Variants in RSU1 observed in about 807,000 individuals in gnomAD.
The protein encoded by RSU1 is rsu-1.
Under a neutral mutation model 31.1 loss-of-function variants are expected in RSU1, and 26 were observed. The ratio of observed to expected loss-of-function variants is 0.84; its 90% confidence interval spans 0.61 to 1.16. The LOEUF (loss-of-function observed/expected upper bound fraction) is 1.16, where lower values mean the gene tolerates loss of function less well. RSU1 is among the 50% of genes most tolerant of loss of function. RSU1 has a pLI of 0.00. For missense variants in RSU1, 320 were observed against 339.1 expected, an observed-to-expected ratio of 0.94 and a Z score of 0.44; for synonymous variants, 164 against 136.3, an observed-to-expected ratio of 1.20 and a Z score of -1.41.
At chr10:16,653,284 A>G (rs1834718958) in intron 8 of RSU1, among the ~76,000 whole-genome samples, 1 of 152,366 alleles carries the variant, frequency 6.6e-6, no homozygotes, top group Admixed American at 6.5e-5. Context: ...TGAAATATAC[A>G]GAACAGTTCA....
intron 8 of RSU1, among the ~76,000 whole-genome samples, chr10:16,661,573 A>T (rs1170882217): frequency 2.0e-5 from 3 of 152,174 alleles, no homozygotes; most frequent in Non-Finnish European, 4.4e-5. Flanking sequence ...AGGAGAGAAG[A>T]TGACTATGAT....
At position 16,737,845 on chromosome 10, in the gene RSU1, T is replaced by G. The variant is rs192234227; in HGVS notation, c.598+14694A>C. Among the ~76,000 whole-genome samples, 140 of 151,926 alleles carry G rather than the reference T, an allele frequency of 9.2e-4. 1 individual carries two copies. The East Asian group carries it at 0.018, about 19-fold the overall frequency. On this transcript the variant is annotated intron_variant, in intron 7 of 8. Transcript: ENST00000345264. ...GAACACTGATGGGGCACATAAAACTTTTAAGTGTGCATGTAAAATTCACCA... is the reference window on the plus strand; with the variant it reads ...GAACACTGATGGGGCACATAAAACTGTTAAGTGTGCATGTAAAATTCACCA...
At chr10:16,764,343 C>T in intron 4 of RSU1, 47 bp downstream of exon 4, 1 of 1,550,290 alleles carries the variant, frequency 6.5e-7, no homozygotes, top group Non-Finnish European at 8.7e-7. Context: ...CCGGCATGCC[C>T]CTTCCACTCT....
At chr10:16,730,975 C>T (rs935742557) in intron 7 of RSU1, among the ~76,000 whole-genome samples, 1 of 152,022 alleles carries the variant, frequency 6.6e-6, no homozygotes, top group Admixed American at 6.6e-5. Flanking sequence ...AGATGCCCGC[C>T]ACCACGCCCA....
chr10:16,701,605 TAGTACAACTTAC>T (rs962441883), intron 7 of RSU1, among the ~76,000 whole-genome samples: 4 of 145,950 alleles, frequency 2.7e-5, no homozygotes, highest in African/African-American at 1.0e-4. Flanking sequence ...TCGGGGAAGA[TAGTACAACTTAC>T]ACACACACAC....
chr10:16,687,133 T>C (rs978580052), intron 8 of RSU1, among the ~76,000 whole-genome samples: 3 of 152,190 alleles, frequency 2.0e-5, no homozygotes, highest in African/African-American at 7.2e-5. Flanking sequence ...TTGCATCTAT[T>C]GCATATCACA....
intron 2 of RSU1, among the ~76,000 whole-genome samples, chr10:16,784,195 C>T (rs555215848): frequency 1.1e-3 from 173 of 152,088 alleles, no homozygotes; most frequent in African/African-American, 3.4e-3. Context: ...AATCCCCCCA[C>T]CTCAGACTCC....
chr10:16,752,108 C>A (rs539225570), intron 7 of RSU1, among the ~76,000 whole-genome samples: 26 of 152,208 alleles, frequency 1.7e-4, no homozygotes, highest in African/African-American at 5.5e-4. Flanking sequence ...ACTACTTTAA[C>A]TATTTGGTAA....
intron 7 of RSU1, among the ~76,000 whole-genome samples, chr10:16,701,009 T>C (rs930895588): frequency 5.3e-5 from 8 of 152,178 alleles, no homozygotes; most frequent in Non-Finnish European, 1.2e-4. Flanking sequence ...AAGGATAATA[T>C]TAAGTTTTTA....
intron 3 of RSU1, among the ~76,000 whole-genome samples, chr10:16,764,769 GA>G (rs1296909409): frequency 2.0e-5 from 3 of 152,136 alleles, no homozygotes; most frequent in East Asian, 1.9e-4. Flanking sequence ...AATGAGGGGG[GA>G]AACAGAGCAA....
chr10:16,726,652 T>C (rs892089321), intron 7 of RSU1, among the ~76,000 whole-genome samples: 1 of 152,204 alleles, frequency 6.6e-6, no homozygotes, highest in African/African-American at 2.4e-5. Flanking sequence ...TTTAGCTTTC[T>C]GAATGTTTCA....
At chr10:16,716,212 C>T (rs139721229) in intron 7 of RSU1, among the ~76,000 whole-genome samples, 195 of 152,248 alleles carry the variant, frequency 1.3e-3, no homozygotes, top group Non-Finnish European at 1.2e-3. Context: ...ATCAGAGAGA[C>T]GCCTTCACAG....
intron 8 of RSU1, among the ~76,000 whole-genome samples, chr10:16,628,654 C>G (rs1369018276): frequency 6.6e-6 from 1 of 152,140 alleles, no homozygotes; most frequent in Non-Finnish European, 1.5e-5. Flanking sequence ...TTTTATATGA[C>G]ACATACGATT....
At chr10:16,758,161 G>T (rs986751919) in intron 4 of RSU1, among the ~76,000 whole-genome samples, 2 of 126,248 alleles carry the variant, frequency 1.6e-5, no homozygotes, top group Admixed American at 7.3e-5. Flanking sequence ...CCACCCTGGC[G>T]GGCAGAAAGA....
chr10:16,741,101 A>G (rs1836741452), intron 7 of RSU1, among the ~76,000 whole-genome samples: 1 of 152,244 alleles, frequency 6.6e-6, no homozygotes, highest in Non-Finnish European at 1.5e-5. Flanking sequence ...TGGTACTCGC[A>G]TAAGGATAGA....
At chr10:16,610,192 T>C (rs1228475978) in intron 8 of RSU1, among the ~76,000 whole-genome samples, 3 of 151,666 alleles carry the variant, frequency 2.0e-5, no homozygotes, top group Admixed American at 6.6e-5. Context: ...GTGAGTATTT[T>C]AGAGTTAGAG....
At chr10:16,616,564 A>G (rs1245507531) in intron 8 of RSU1, among the ~76,000 whole-genome samples, 2 of 152,140 alleles carry the variant, frequency 1.3e-5, no homozygotes, top group African/African-American at 4.8e-5. Flanking sequence ...ACAACAAAAA[A>G]AGAAAATTTC....
intron 8 of RSU1, among the ~76,000 whole-genome samples, chr10:16,668,768 C>T (rs1835047919): frequency 6.6e-6 from 1 of 152,138 alleles, no homozygotes; most frequent in African/African-American, 2.4e-5. Flanking sequence ...AGGAGGCACA[C>T]TGCAGTGACC....
At chr10:16,667,448 T>C (rs1835016933) in intron 8 of RSU1, among the ~76,000 whole-genome samples, 1 of 152,190 alleles carries the variant, frequency 6.6e-6, no homozygotes, top group Non-Finnish European at 1.5e-5. Flanking sequence ...TAGGGTACAA[T>C]TAAATAGTAC....
Sources: gnomAD v4.1 joint callset for allele counts (sites outside exome capture counted in the v4.1 genomes callset) on GRCh38, gnomAD v4.1.1 for gene constraint, MANE v1.5 for transcripts, NCBI Gene and HGNC (gene_info 2026-07-23, HGNC 2026-07-21) for gene names.